Variants in PBX1 observed in about 807,000 individuals in gnomAD.
PBX1 encodes PBX homeobox 1.
PBX1 carries 6 observed loss-of-function variants against 53.4 expected under a neutral mutation model. The observed-to-expected ratio is 0.11, with a 90% CI of 0.06 to 0.22. The LOEUF (loss-of-function observed/expected upper bound fraction) is 0.22. Among genes scored for constraint, PBX1 ranks in the 10% least tolerant of loss-of-function variants. PBX1 has a pLI of 1.00. For synonymous variants in PBX1, 204 were observed against 212.3 expected, an observed-to-expected ratio of 0.96 and a Z score of 0.34; for missense variants, 251 against 551.4, an observed-to-expected ratio of 0.46 and a Z score of 5.46.
chr1:164,834,610 G>T (rs1427523551), intron 8 of PBX1, among the ~76,000 whole-genome samples: 1 of 152,112 alleles, frequency 6.6e-6, no homozygotes, highest in East Asian at 1.9e-4. Flanking sequence ...CTCCCAAAGT[G>T]GTGGGATTAC....
intron 2 of PBX1, among the ~76,000 whole-genome samples, chr1:164,698,960 G>C (rs1276165052): frequency 1.3e-5 from 2 of 152,132 alleles, no homozygotes; most frequent in Non-Finnish European, 2.9e-5. Flanking sequence ...CCATGATCTG[G>C]AACCACAGCC....
At chr1:164,673,789 G>A (rs982726090) in intron 2 of PBX1, among the ~76,000 whole-genome samples, 2 of 152,090 alleles carry the variant, frequency 1.3e-5, no homozygotes, top group South Asian at 2.1e-4. Context: ...GATTCCACGC[G>A]GATCTCTCGG....
At chr1:164,562,480 C>CACACACAG (rs1352930202) in intron 1 of PBX1, among the ~76,000 whole-genome samples, 1 of 151,904 alleles carries the variant, frequency 6.6e-6, no homozygotes, top group African/African-American at 2.4e-5. Flanking sequence ...CACACACACA[C>CACACACAG]ACACACACAC....
chr1:164,844,138 A>T (rs1671445265), intron 8 of PBX1, among the ~76,000 whole-genome samples: 1 of 134,774 alleles, frequency 7.4e-6, no homozygotes. Flanking sequence ...TTTTTACCAG[A>T]ATTTTACTCT....
intron 2 of PBX1, among the ~76,000 whole-genome samples, chr1:164,624,835 C>G (rs1192858482): frequency 1.3e-5 from 2 of 152,160 alleles, no homozygotes; most frequent in Non-Finnish European, 2.9e-5. Context: ...ACTATACATT[C>G]ACAGAGGTTG....
Position 164,792,540 on chromosome 1 carries a change from G to A in PBX1, c.312G>A (p.Gln104=). Residue 104 remains glutamine, a synonymous_variant, in exon 3 of 9, where the codon CAG becomes CAA. Coordinates refer to ENST00000420696, the MANE Select transcript of PBX1 (RefSeq NM_002585.4). The part of the protein sequence containing the change: ...GAQEEEPTDP[Q]LMRLDNMLLA... ...AGGAGGAGGAACCCACAGACCCCCA[G>A]CTGATGCGGCTGGACAACATGCTGT... is the stretch of plus-strand genomic sequence containing the variant. 1 of 1,614,136 alleles carries A rather than the reference G, an allele frequency of 6.2e-7. No homozygotes were observed. Among genetic ancestry groups the A allele is most frequent in the Non-Finnish European group, 8.5e-7 (1 of 1,180,030 alleles).
At chr1:164,825,771 AC>A (rs1376286533) in intron 8 of PBX1, among the ~76,000 whole-genome samples, 1 of 151,998 alleles carries the variant, frequency 6.6e-6, no homozygotes, top group African/African-American at 2.4e-5. Context: ...AATTTCTTTC[AC>A]TCCTCCTATC....
Position 164,850,899 on chromosome 1 carries a change from A to G in PBX1, c.*4223A>G, listed in dbSNP as rs1671802266. The G allele has an allele frequency of 4.7e-6, 1 of 212,160 alleles. No individual in the cohort carries two copies. Among genetic ancestry groups the G allele is most frequent in the East Asian group, 7.0e-5 (1 of 14,186 alleles). 13.1% of individuals were successfully genotyped at this position (212,160 alleles called of 1,614,324 possible). A position where few individuals can be genotyped will look rare whatever the true frequency, so the allele number is the denominator to read the frequency against. On this transcript the variant is annotated 3_prime_UTR_variant, in exon 9 of 9. Coordinates refer to ENST00000420696, the MANE Select transcript of PBX1 (RefSeq NM_002585.4). ...TTTTATTTCTCCCTAATTAATAACT[A>G]CATTCCATGAGGCCTCTTCCAACCA...
chr1:164,844,972 G>A (rs974681510), intron 8 of PBX1, among the ~76,000 whole-genome samples: 5 of 152,352 alleles, frequency 3.3e-5, no homozygotes, highest in African/African-American at 1.2e-4. Flanking sequence ...TGGGTTAGGA[G>A]ATGGGAGATT....
chr1:164,644,668 A>T (rs114591037), intron 2 of PBX1, among the ~76,000 whole-genome samples: 3,467 of 152,304 alleles, frequency 0.023, 142 homozygotes, highest in African/African-American at 0.079. Flanking sequence ...GAATTGCCTG[A>T]AATAGACTGT....
intron 2 of PBX1, among the ~76,000 whole-genome samples, chr1:164,713,816 A>C (rs1170912052): frequency 6.6e-6 from 1 of 152,222 alleles, no homozygotes; most frequent in Non-Finnish European, 1.5e-5. Flanking sequence ...ATACAGCCTG[A>C]AATAAGAACC....
chr1:164,562,382 C>T (rs1332905921), intron 1 of PBX1, among the ~76,000 whole-genome samples: 4 of 151,378 alleles, frequency 2.6e-5, no homozygotes. Flanking sequence ...AAAACAGTAT[C>T]ATTCTGCTAA....
chr1:164,745,233 G>A (rs965998457), intron 2 of PBX1, among the ~76,000 whole-genome samples: 2 of 152,142 alleles, frequency 1.3e-5, no homozygotes, highest in Non-Finnish European at 1.5e-5. Flanking sequence ...ATTGAGCAAT[G>A]GCCTGGAAAT....
chr1:164,760,013 G>A (rs758104146), intron 2 of PBX1, among the ~76,000 whole-genome samples: 5 of 152,178 alleles, frequency 3.3e-5, no homozygotes, highest in African/African-American at 7.2e-5. Flanking sequence ...CCCCAAGCAC[G>A]CAGCCACACG....
chr1:164,746,583 G>C (rs534660794), intron 2 of PBX1, among the ~76,000 whole-genome samples: 1 of 151,896 alleles, frequency 6.6e-6, no homozygotes, highest in African/African-American at 2.4e-5. Context: ...TACCACATTG[G>C]CCAGGCTGTT....
chr1:164,589,243 G>T (rs1042388264), intron 2 of PBX1, among the ~76,000 whole-genome samples: 1 of 152,084 alleles, frequency 6.6e-6, no homozygotes, highest in African/African-American at 2.4e-5. Context: ...GGCTGAGAAA[G>T]GATTTTTGTT....
chr1:164,615,382 C>G (rs1305330009), intron 2 of PBX1, among the ~76,000 whole-genome samples: 1 of 152,030 alleles, frequency 6.6e-6, no homozygotes, highest in East Asian at 1.9e-4. Context: ...GTTCAATTTT[C>G]TAGCACTGAT....
intron 2 of PBX1, among the ~76,000 whole-genome samples, chr1:164,652,340 C>T (rs935128751): frequency 6.6e-6 from 1 of 152,158 alleles, no homozygotes; most frequent in African/African-American, 2.4e-5. Flanking sequence ...GATTTTCCTC[C>T]CCTCACTCCA....
chr1:164,882,812 T>G (rs1469232107), intron 2 of PBX1, among the ~76,000 whole-genome samples: 1 of 152,118 alleles, frequency 6.6e-6, no homozygotes, highest in Non-Finnish European at 1.5e-5. Flanking sequence ...TATAGGGGTA[T>G]CTGTAATTAT....
Sources: allele counts gnomAD v4.1 joint callset (sites outside exome capture counted in the v4.1 genomes callset), GRCh38; gene constraint gnomAD v4.1.1; transcripts MANE v1.5; gene names NCBI Gene and HGNC (gene_info 2026-07-23, HGNC 2026-07-21).